The following TMTC2 variants were observed in gnomAD, a reference collection of about 807,000 sequenced individuals.
The protein encoded by TMTC2 is protein O-mannosyl-transferase TMTC2.
TMTC2 carries 43 observed loss-of-function variants against 82.4 expected under a neutral mutation model. The observed-to-expected ratio is 0.52, with a 90% CI of 0.41 to 0.67. TMTC2 has a LOEUF of 0.67. Ranked by LOEUF, TMTC2 falls within the 30% of genes least tolerant of loss-of-function variation. TMTC2 has a pLI of 0.00. For missense variants in TMTC2, 919 were observed against 1,012.4 expected, an observed-to-expected ratio of 0.91 and a Z score of 1.25; for synonymous variants, 408 against 381.9, an observed-to-expected ratio of 1.07 and a Z score of -0.80.
intron 11 of TMTC2, among the ~76,000 whole-genome samples, chr12:83,114,838 A>G (rs748537791): frequency 1.3e-5 from 2 of 151,556 alleles, no homozygotes; most frequent in African/African-American, 2.4e-5. Flanking sequence ...CATTCATTTT[A>G]TATATATGTA....
intron 1 of TMTC2, among the ~76,000 whole-genome samples, chr12:82,752,868 A>G (rs1399950862): frequency 1.3e-5 from 2 of 152,070 alleles, no homozygotes; most frequent in African/African-American, 4.8e-5. Flanking sequence ...ATCCCTGCTC[A>G]GCTGTGCCAT....
intron 8 of TMTC2, among the ~76,000 whole-genome samples, chr12:82,996,013 G>A (rs1879601456): frequency 6.6e-6 from 1 of 152,164 alleles, no homozygotes; most frequent in South Asian, 2.1e-4. Flanking sequence ...ATAAATGCCT[G>A]ACTTCAAAAT....
At chr12:82,781,465 C>A (rs1157046382) in intron 1 of TMTC2, among the ~76,000 whole-genome samples, 1 of 137,096 alleles carries the variant, frequency 7.3e-6, no homozygotes, top group Non-Finnish European at 1.5e-5. Flanking sequence ...GTACAGATTT[C>A]CTCTTTGTGG....
chr12:82,778,895 G>A (rs1013806868), intron 1 of TMTC2, among the ~76,000 whole-genome samples: 2 of 143,568 alleles, frequency 1.4e-5, no homozygotes, highest in African/African-American at 5.2e-5. Flanking sequence ...AAATCAGTTG[G>A]ATGTGGTGGC....
intron 1 of TMTC2, among the ~76,000 whole-genome samples, chr12:82,821,782 A>T (rs372383513): frequency 1.1e-4 from 16 of 151,740 alleles, no homozygotes; most frequent in Non-Finnish European, 2.1e-4. Flanking sequence ...GCTGAGGCAG[A>T]TAAGTGCTTA....
In TMTC2 at chr12:83,058,355, A is replaced by C. The variant is rs1592720998; in HGVS notation, c.2268-3413A>C. ...GAATCTAAAGACTTAAAATATAATCAACTCACTCCAGTGATTTCTTGGGAA... is the reference window on the plus strand; with the variant it reads ...GAATCTAAAGACTTAAAATATAATCCACTCACTCCAGTGATTTCTTGGGAA... On this transcript the variant is annotated intron_variant, in intron 10 of 11. Transcript: ENST00000321196. 3.3e-5 allele frequency among the ~76,000 whole-genome samples: 5 copies of C among 152,022 alleles called. No individual in the cohort carries two copies. In the South Asian group the frequency reaches 8.3e-4, roughly 25 times the overall value.
At chr12:82,823,669 C>T (rs1034781816) in intron 1 of TMTC2, among the ~76,000 whole-genome samples, 2 of 152,144 alleles carry the variant, frequency 1.3e-5, no homozygotes, top group African/African-American at 4.8e-5. Context: ...TCTTTCTAAT[C>T]CTTAGTTCAG....
intron 10 of TMTC2, among the ~76,000 whole-genome samples, chr12:83,056,051 T>G (rs942357054): frequency 2.0e-5 from 3 of 152,000 alleles, no homozygotes; most frequent in Admixed American, 2.0e-4. Flanking sequence ...CTATGATTCT[T>G]GACTTTATTG....
chr12:82,866,182 A>G (rs1272289652), intron 2 of TMTC2, among the ~76,000 whole-genome samples: 1 of 131,624 alleles, frequency 7.6e-6, no homozygotes, highest in Non-Finnish European at 1.8e-5. Context: ...TGAAGGAGAT[A>G]GAGACACAAA....
At chr12:82,842,157 G>A (rs1228826988) in intron 1 of TMTC2, among the ~76,000 whole-genome samples, 1 of 152,162 alleles carries the variant, frequency 6.6e-6, no homozygotes, top group Non-Finnish European at 1.5e-5. Context: ...CTTATTAAGT[G>A]TATGCACTTC....
chr12:82,914,205 ATATTT>A (rs1592623358), intron 3 of TMTC2, among the ~76,000 whole-genome samples: 1 of 152,336 alleles, frequency 6.6e-6, no homozygotes. Flanking sequence ...AAGATAATTG[ATATTT>A]TATTTTAGAG....
chr12:82,792,018 A>G (rs1302740315), intron 1 of TMTC2, among the ~76,000 whole-genome samples: 1 of 152,182 alleles, frequency 6.6e-6, no homozygotes, highest in Non-Finnish European at 1.5e-5. Context: ...GATTTAATCA[A>G]GAGTGTTTTT....
At chr12:83,054,648 A>C (rs1882470681) in intron 10 of TMTC2, among the ~76,000 whole-genome samples, 2 of 150,910 alleles carry the variant, frequency 1.3e-5, no homozygotes, top group South Asian at 4.2e-4. Context: ...TTATGTATAA[A>C]TATGCATATA....
intron 8 of TMTC2, among the ~76,000 whole-genome samples, chr12:83,014,359 G>C (rs1880582281): frequency 6.6e-6 from 1 of 151,968 alleles, no homozygotes; most frequent in African/African-American, 2.4e-5. Flanking sequence ...GTTTTGTTTT[G>C]AGATGGAGTT....
chr12:82,707,293 C>A lies in TMTC2; in HGVS notation c.83+19624C>A, dbSNP rs551884093. 3.9e-5 allele frequency among the ~76,000 whole-genome samples: 6 copies of A among 152,220 alleles called. No individual in the cohort carries two copies. The South Asian group carries it at 1.2e-3, about 32-fold the overall frequency. Reference sequence around the variant, plus strand: ...GGCCTGTTTTCAAAAGGCATGAATCCCTATAATGAGGATTTCATTCAGATG... The same window carrying A: ...GGCCTGTTTTCAAAAGGCATGAATCACTATAATGAGGATTTCATTCAGATG... On this transcript the variant is annotated intron_variant, in intron 1 of 11. Transcript: ENST00000321196.
At chr12:83,014,481 A>G (rs1274841126) in intron 8 of TMTC2, among the ~76,000 whole-genome samples, 1 of 152,202 alleles carries the variant, frequency 6.6e-6, no homozygotes, top group Non-Finnish European at 1.5e-5. Context: ...CTGGGACTAC[A>G]GGCGTCCGCC....
At chr12:82,954,389 G>A (rs930848186) in intron 4 of TMTC2, among the ~76,000 whole-genome samples, 1 of 152,062 alleles carries the variant, frequency 6.6e-6, no homozygotes, top group African/African-American at 2.4e-5. Context: ...ACAGTATTGT[G>A]ATTGTTTGCT....
chr12:83,027,016 C>T (rs1241710476), intron 8 of TMTC2, among the ~76,000 whole-genome samples: 1 of 152,034 alleles, frequency 6.6e-6, no homozygotes, highest in Non-Finnish European at 1.5e-5. Flanking sequence ...CAGGCACTCT[C>T]CTAATTGGGA....
intron 1 of TMTC2, among the ~76,000 whole-genome samples, chr12:82,701,589 TAAAAA>T (rs763176928): frequency 1.1e-5 from 1 of 91,904 alleles, no homozygotes; most frequent in East Asian, 3.1e-4. Flanking sequence ...CCGTCTTTAC[TAAAAA>T]AAAAAAAAAA....
Sources: allele counts gnomAD v4.1 joint callset (sites outside exome capture counted in the v4.1 genomes callset), GRCh38; gene constraint gnomAD v4.1.1; transcripts MANE v1.5; gene names NCBI Gene and HGNC (gene_info 2026-07-23, HGNC 2026-07-21).